THSD7B: variants seen among roughly 807,000 people sequenced by gnomAD.
THSD7B encodes the protein thrombospondin type 1 domain containing 7B.
In THSD7B, 138 loss-of-function variants were observed where a neutral mutation model predicts 213.6. The ratio of observed to expected loss-of-function variants is 0.65; its 90% CI spans 0.56 to 0.74. The LOEUF (loss-of-function observed/expected upper bound fraction) is 0.74, where lower values mean the gene tolerates loss of function less well. THSD7B is among the 30% of genes least tolerant of loss of function. THSD7B has a pLI of 0.00. For synonymous variants in THSD7B, 742 were observed against 687.0 expected, an observed-to-expected ratio of 1.08 and a Z score of -1.25; for missense variants, 1,931 against 1,991.5, an observed-to-expected ratio of 0.97 and a Z score of 0.58.
At chr2:137,318,024 T>G (rs1439619957) in intron 12 of THSD7B, among the ~76,000 whole-genome samples, 3 of 152,216 alleles carry the variant, frequency 2.0e-5, no homozygotes, top group Middle Eastern at 3.2e-3. Context: ...ATCATACATC[T>G]GTTACAGTTA....
intron 17 of THSD7B, among the ~76,000 whole-genome samples, chr2:137,590,565 A>ATCTTTTTTTTTTTATT: frequency 6.6e-6 from 1 of 152,092 alleles, no homozygotes; most frequent in Admixed American, 6.6e-5. Context: ...GGTATTTTGA[A>ATCTTTTTTTTTTTATT]AGTCTTTTAT....
intron 5 of THSD7B, among the ~76,000 whole-genome samples, chr2:137,125,473 G>A (rs1384925120): frequency 6.6e-6 from 1 of 152,168 alleles, no homozygotes; most frequent in Non-Finnish European, 1.5e-5. Flanking sequence ...TAAGGCTGCA[G>A]CAATTCAGTC....
chr2:136,834,069 T>A (rs1317039554), intron 1 of THSD7B, among the ~76,000 whole-genome samples: 1 of 152,200 alleles, frequency 6.6e-6, no homozygotes, highest in African/African-American at 2.4e-5. Context: ...CACAGCAGTA[T>A]GATGATATAT....
intron 2 of THSD7B, among the ~76,000 whole-genome samples, chr2:136,916,331 T>G (rs2105029211): frequency 6.6e-6 from 1 of 152,296 alleles, no homozygotes; most frequent in South Asian, 2.1e-4. Flanking sequence ...CTTGTGGACT[T>G]GAAAGGACTT....
chr2:136,953,914 G>T (rs184560786), intron 2 of THSD7B, among the ~76,000 whole-genome samples: 7 of 152,256 alleles, frequency 4.6e-5, no homozygotes, highest in Admixed American at 3.3e-4. Flanking sequence ...TAAGGGATTT[G>T]CTTAATTACA....
intron 3 of THSD7B, among the ~76,000 whole-genome samples, chr2:137,062,692 T>G (rs879874391): frequency 2.6e-5 from 4 of 151,860 alleles, no homozygotes; most frequent in African/African-American, 7.2e-5. Context: ...TTCTATTCTT[T>G]TAGATTTGTT....
intron 2 of THSD7B, among the ~76,000 whole-genome samples, chr2:136,885,862 G>A (rs1683708363): frequency 6.6e-6 from 1 of 152,108 alleles, no homozygotes; most frequent in Non-Finnish European, 1.5e-5. Flanking sequence ...AGGGCGAGTG[G>A]TAAGAAGGAA....
chr2:137,265,363 G>T lies in THSD7B; in HGVS notation c.2267-7170G>T, dbSNP rs938578681. Among the ~76,000 whole-genome samples, 3 of 152,184 alleles carry T rather than the reference G, an allele frequency of 2.0e-5. No homozygotes were observed. In the East Asian group the frequency reaches 5.8e-4, roughly 29 times the overall value. ...AAATAGGAGCACTTCTACACTGTTGGTGGGACTGTAAACTAGTTCAACCAC... is the reference window on the plus strand; with the variant it reads ...AAATAGGAGCACTTCTACACTGTTGTTGGGACTGTAAACTAGTTCAACCAC... On this transcript the variant is annotated intron_variant, in intron 10 of 27. Transcript: ENST00000409968.
intron 15 of THSD7B, among the ~76,000 whole-genome samples, chr2:137,557,101 T>C (rs1414416433): frequency 6.6e-6 from 1 of 152,166 alleles, no homozygotes; most frequent in African/African-American, 2.4e-5. Flanking sequence ...TGGGAGACTT[T>C]AACACCCCAC....
At chr2:137,261,587 A>G (rs1274162968) in intron 10 of THSD7B, among the ~76,000 whole-genome samples, 6 of 152,166 alleles carry the variant, frequency 3.9e-5, no homozygotes. Context: ...ACATAAAGCC[A>G]AAAGAGAAGT....
intron 2 of THSD7B, among the ~76,000 whole-genome samples, chr2:136,932,144 T>C (rs531474368): frequency 6.6e-6 from 1 of 152,308 alleles, no homozygotes; most frequent in East Asian, 1.9e-4. Flanking sequence ...ACACTAATTA[T>C]TGATAATTTA....
chr2:137,499,157 A>G (rs1166937539), intron 15 of THSD7B, among the ~76,000 whole-genome samples: 1 of 152,186 alleles, frequency 6.6e-6, no homozygotes, highest in African/African-American at 2.4e-5. Context: ...AGATGAGGCA[A>G]GATCAGAAAA....
chr2:137,402,417 G>A (rs896655638), intron 12 of THSD7B, among the ~76,000 whole-genome samples: 1 of 152,056 alleles, frequency 6.6e-6, no homozygotes, highest in Admixed American at 6.5e-5. Context: ...TCTAGAACTT[G>A]AAAACATCAT....
intron 1 of THSD7B, among the ~76,000 whole-genome samples, chr2:136,872,373 T>C (rs189399464): frequency 2.9e-5 from 3 of 102,022 alleles, no homozygotes; most frequent in Admixed American, 1.5e-4. Context: ...CGAAAGACCA[T>C]ACTTTTTTCG....
intron 2 of THSD7B, among the ~76,000 whole-genome samples, chr2:137,012,027 G>A (rs1362004804): frequency 1.3e-5 from 2 of 152,118 alleles, no homozygotes; most frequent in South Asian, 2.1e-4. Context: ...GTTGAATTTA[G>A]CATCAGCAAT....
rs954881137 is a variant in THSD7B at position 137,451,036 on chromosome 2, A to T, written c.3138+13A>T. Reference sequence around the variant, plus strand: ...TCTCAAGAATCAGGTAAAGTGCATGAAGCAACAAATAAAAAGCTAAAAAAG... The same window carrying T: ...TCTCAAGAATCAGGTAAAGTGCATGTAGCAACAAATAAAAAGCTAAAAAAG... On this transcript the variant is annotated intron_variant, in intron 15 of 27. Coordinates refer to ENST00000409968, the MANE Select transcript of THSD7B (RefSeq NM_001316349.2). 6.5e-7 allele frequency: 1 copy of T among 1,548,764 alleles called. No individual in the cohort carries two copies. The highest frequency in any genetic ancestry group is 8.7e-7 in the Non-Finnish European group (1 of 1,150,362).
chr2:137,596,130 C>T (rs1681953244), intron 17 of THSD7B, among the ~76,000 whole-genome samples: 1 of 151,926 alleles, frequency 6.6e-6, no homozygotes, highest in African/African-American at 2.4e-5. Context: ...AAAAGTCATA[C>T]ATCTTGCAAG....
chr2:137,590,740 G>A (rs189404021), intron 17 of THSD7B, among the ~76,000 whole-genome samples: 154 of 145,944 alleles, frequency 1.1e-3, no homozygotes, highest in African/African-American at 3.7e-3. Flanking sequence ...TGGAATTAGG[G>A]CATCTAATTG....
chr2:137,173,547 C>G (rs2104997863), intron 7 of THSD7B, among the ~76,000 whole-genome samples: 1 of 152,290 alleles, frequency 6.6e-6, no homozygotes, highest in Middle Eastern at 3.4e-3. Context: ...AGCTTTTGAC[C>G]TACACACTGA....
Sources: gnomAD v4.1 joint callset for allele counts (sites outside exome capture counted in the v4.1 genomes callset) on GRCh38, gnomAD v4.1.1 for gene constraint, MANE v1.5 for transcripts, NCBI Gene and HGNC (gene_info 2026-07-23, HGNC 2026-07-21) for gene names.